PIK3CA: variants seen among roughly 807,000 people sequenced by gnomAD.
PIK3CA encodes phosphatidylinositol 4,5-bisphosphate 3-kinase catalytic subunit alpha isoform.
A neutral mutation model predicts 138.2 loss-of-function variants in PIK3CA; 27 were observed. The observed-to-expected ratio is 0.20, with a 90% CI of 0.14 to 0.27. The LOEUF is 0.27. Among genes scored for constraint, PIK3CA ranks in the 10% least tolerant of loss-of-function variants. PIK3CA has a pLI of 1.00. For synonymous variants in PIK3CA, 358 were observed against 413.2 expected (o/e 0.87, Z 1.62); for missense variants, 544 against 1,277.4 (o/e 0.43, Z 8.75).
chr3:179,214,094 C>G (rs1576940670), intron 9 of PIK3CA, among the ~76,000 whole-genome samples: 1 of 152,338 alleles, frequency 6.6e-6, no homozygotes, highest in South Asian at 2.1e-4. Context: ...ATCTAGACCA[C>G]TAAAACTTTC....
At chr3:179,153,143 G>A (rs756476458) in intron 1 of PIK3CA, among the ~76,000 whole-genome samples, 1 of 152,084 alleles carries the variant, frequency 6.6e-6, no homozygotes, top group African/African-American at 2.4e-5. Flanking sequence ...GGAAAAATTG[G>A]TCTTCTGGTC....
chr3:179,234,482 T>G lies in PIK3CA; in HGVS notation c.*118T>G. On this transcript the variant is annotated 3_prime_UTR_variant, in exon 21 of 21. Transcript: ENST00000263967. This position sits in a 1 kb window ranked among gnomAD's most constrained non-coding sequence, Gnocchi z 5.1. ...ACAATCCATGAACAGCATTAGAATT[T>G]ACAGCAAGAACAGAAATAAAATACT... is the stretch of plus-strand genomic sequence containing the variant. 1.4e-6 allele frequency: 1 copy of G among 730,706 alleles called. No homozygotes were observed. Among genetic ancestry groups the G allele is most frequent in the Admixed American group, 2.7e-5 (1 of 36,508 alleles). 45.3% of individuals were successfully genotyped at this position (730,706 alleles called of 1,614,324 possible). A position where few individuals can be genotyped will look rare whatever the true frequency, so the allele number is the denominator to read the frequency against.
chr3:179,169,870 A>G (rs1723507321), intron 1 of PIK3CA, among the ~76,000 whole-genome samples: 1 of 152,252 alleles, frequency 6.6e-6, no homozygotes, highest in Admixed American at 6.5e-5. Flanking sequence ...TAGTTATCTT[A>G]AATAAAATAT....
chr3:179,174,937 C>T (rs1393767055), intron 1 of PIK3CA, among the ~76,000 whole-genome samples: 1 of 152,222 alleles, frequency 6.6e-6, no homozygotes, highest in East Asian at 1.9e-4. Context: ...ATAACTCTCA[C>T]ATGTGATAAT....
At position 179,220,953 on chromosome 3, in the gene PIK3CA, A is replaced by G. The variant is rs1245911623; in HGVS notation, c.2016-33A>G. 12 of 1,429,360 alleles carry G rather than the reference A, an allele frequency of 8.4e-6. No homozygotes were observed. The highest frequency in any genetic ancestry group is 2.1e-5 in the Admixed American group (1 of 48,056). The allele number at this position is 1,429,360 out of a possible 1,614,324, so 88.5% of individuals were successfully genotyped here. Reference sequence around the variant, plus strand: ...TTTGTATACTGATTTAAGACTATATATATATATTTTTAATTTTGCACGATT... The same window carrying G: ...TTTGTATACTGATTTAAGACTATATGTATATATTTTTAATTTTGCACGATT... On this transcript the variant is annotated intron_variant, in intron 13 of 20. Transcript: ENST00000263967. The surrounding 1 kb of genome is among the most constrained non-coding windows in gnomAD (Gnocchi z 4.1).
At chr3:179,174,690 T>C (rs1339718703) in intron 1 of PIK3CA, among the ~76,000 whole-genome samples, 1 of 152,254 alleles carries the variant, frequency 6.6e-6, no homozygotes, top group Non-Finnish European at 1.5e-5. Flanking sequence ...ATTTTAATGC[T>C]CATATCTTCC....
chr3:179,185,607 C>T (rs913542879), intron 1 of PIK3CA, among the ~76,000 whole-genome samples: 3 of 152,202 alleles, frequency 2.0e-5, no homozygotes, highest in African/African-American at 7.2e-5. Flanking sequence ...TTTCCAATGG[C>T]AGTCATAAGC....
intron 1 of PIK3CA, among the ~76,000 whole-genome samples, chr3:179,190,306 C>T (rs1387116899): frequency 7.9e-6 from 1 of 126,768 alleles, no homozygotes; most frequent in East Asian, 2.0e-4. Flanking sequence ...ATATATAGTG[C>T]ACCCCCCCCA....
At chr3:179,211,702 G>A (rs1724715471) in intron 9 of PIK3CA, among the ~76,000 whole-genome samples, 2 of 152,214 alleles carry the variant, frequency 1.3e-5, no homozygotes, top group African/African-American at 4.8e-5. Context: ...ATGTAATGCT[G>A]ATCATCTCTA....
At chr3:179,231,312 C>T (rs1051124700) in intron 20 of PIK3CA, among the ~76,000 whole-genome samples, 1 of 152,076 alleles carries the variant, frequency 6.6e-6, no homozygotes, top group East Asian at 1.9e-4. Context: ...TTCTTTTCCT[C>T]TGGGTAGAGG....
chr3:179,163,595 A>G (rs1723340087), intron 1 of PIK3CA, among the ~76,000 whole-genome samples: 1 of 152,198 alleles, frequency 6.6e-6, no homozygotes, highest in African/African-American at 2.4e-5. Context: ...AGTTCTGCAA[A>G]AATTCAATAG....
chr3:179,158,120 G>A (rs1388957343), intron 1 of PIK3CA, among the ~76,000 whole-genome samples: 1 of 152,066 alleles, frequency 6.6e-6, no homozygotes, highest in East Asian at 1.9e-4. Flanking sequence ...CAGTGGATCC[G>A]ATTTCTGGAT....
At chr3:179,227,632 G>A (rs780109304) in intron 17 of PIK3CA, among the ~76,000 whole-genome samples, 1 of 151,984 alleles carries the variant, frequency 6.6e-6, no homozygotes, top group Non-Finnish European at 1.5e-5. Context: ...TAGAAGCTAG[G>A]CTACAAGGAA....
At chr3:179,232,599 G>A (rs950564078) in intron 20 of PIK3CA, among the ~76,000 whole-genome samples, 1 of 151,772 alleles carries the variant, frequency 6.6e-6, no homozygotes, top group African/African-American at 2.4e-5. Context: ...CTTTTTGGTC[G>A]GTTTTATATG....
rs117142867 is a variant in PIK3CA, at chr3:179,234,828, A to G, written c.*464A>G. On this transcript the variant is annotated 3_prime_UTR_variant, in exon 21 of 21. Coordinates refer to ENST00000263967, the MANE Select transcript of PIK3CA (RefSeq NM_006218.4). This position sits in a 1 kb window ranked among gnomAD's most constrained non-coding sequence, Gnocchi z 5.1. ...GTTTATGTTAAATTACATTGATTGG[A>G]AAAGAATGAAAATTTCTTATTTTTC... The G allele has an allele frequency of 5.2e-3, 1,196 of 232,190 alleles. 28 individuals carry two copies. The highest frequency in any genetic ancestry group is 0.04 in the East Asian group (646 of 16,306). 14.4% of individuals were successfully genotyped at this position (232,190 alleles called of 1,614,324 possible).
chr3:179,171,492 AGT>A (rs1354709447), intron 1 of PIK3CA, among the ~76,000 whole-genome samples: 1 of 152,178 alleles, frequency 6.6e-6, no homozygotes, highest in Non-Finnish European at 1.5e-5. Context: ...TAAAGAGTTC[AGT>A]AAATCTTTAG....
intron 1 of PIK3CA, among the ~76,000 whole-genome samples, chr3:179,160,871 C>T (rs901343251): frequency 1.3e-5 from 2 of 151,934 alleles, no homozygotes; most frequent in Non-Finnish European, 2.9e-5. Context: ...GAACATGGCA[C>T]CCCAGAAATA....
chr3:179,165,526 A>G (rs1723397022), intron 1 of PIK3CA, among the ~76,000 whole-genome samples: 1 of 152,112 alleles, frequency 6.6e-6, no homozygotes, highest in Admixed American at 6.6e-5. Context: ...CAAAGCCTTA[A>G]GATTGCAGGC....
At chr3:179,226,464 T>C (rs557989838) in intron 17 of PIK3CA, among the ~76,000 whole-genome samples, 1 of 152,268 alleles carries the variant, frequency 6.6e-6, no homozygotes, top group Non-Finnish European at 1.5e-5. Context: ...TACCAGTCTG[T>C]TGGTTTCTAC....
Sources: allele counts gnomAD v4.1 joint callset (sites outside exome capture counted in the v4.1 genomes callset), GRCh38; gene constraint gnomAD v4.1.1; non-coding constraint Gnocchi (gnomAD v3.1); transcripts MANE v1.5; gene names NCBI Gene and HGNC (gene_info 2026-07-23, HGNC 2026-07-21).